Variants in IRS1 observed in about 807,000 individuals in gnomAD.
The protein encoded by IRS1 is insulin receptor substrate 1.
In IRS1, 34 loss-of-function variants were observed where a neutral mutation model predicts 65.6. The ratio of observed to expected loss-of-function variants is 0.52; its 90% CI spans 0.39 to 0.69. The LOEUF is 0.69. Among genes scored for constraint, IRS1 ranks in the 30% least tolerant of loss-of-function variants. The pLI, the probability that IRS1 is intolerant of heterozygous loss-of-function variation, is 0.00. For missense variants in IRS1, 1,641 were observed against 1,720.2 expected (o/e 0.95, Z 0.81); for synonymous variants, 699 against 683.5 (o/e 1.02, Z -0.35).
chr2:226,769,700 G>C (rs957604395), intron 1 of IRS1, among the ~76,000 whole-genome samples: 3 of 152,160 alleles, frequency 2.0e-5, no homozygotes, highest in Admixed American at 6.5e-5. Flanking sequence ...AACAGGGAAG[G>C]ACTACTCTTG....
chr2:226,787,426 A>G (rs998240090), intron 1 of IRS1, among the ~76,000 whole-genome samples: 1 of 152,114 alleles, frequency 6.6e-6, no homozygotes, highest in African/African-American at 2.4e-5. Context: ...CGGAATCTTG[A>G]TTTGGTTTTC....
At chr2:226,758,639 G>T (rs1183228701) in intron 1 of IRS1, among the ~76,000 whole-genome samples, 1 of 152,096 alleles carries the variant, frequency 6.6e-6, no homozygotes, top group Non-Finnish European at 1.5e-5. Flanking sequence ...GTTTCCAAGA[G>T]GCTGTGATGA....
At position 226,795,187 on chromosome 2, in the gene IRS1, C is replaced by A. The variant is rs1242041443; in HGVS notation, c.3552G>T (p.Leu1184Phe). 2 of 1,613,996 alleles carry A rather than the reference C, an allele frequency of 1.2e-6. No homozygotes were observed. Among genetic ancestry groups the A allele is most frequent in the South Asian group, 2.2e-5 (2 of 91,072 alleles). ...ENGLNYIDLD[L>F]VKDFKQCPQE... ...GAGGGCACTGTTTGAAGTCCTTGAC[C>A]AAATCCAGGTCTATGTAGTTAAGAC... is the stretch of plus-strand genomic sequence containing the variant. The change falls in exon 1 of 2, where the codon TTG (leucine) becomes TTT (phenylalanine). Residue 1184 changes from leucine to phenylalanine, a missense_variant. This residue lies in a region of IRS1 where 1,324 missense variants were observed against 1,361.0 expected (regional missense o/e 0.97). Transcript: ENST00000305123.
rs1451952732 is a variant in IRS1, at chr2:226,777,984, T to A, written c.*21+17005A>T. Among the ~76,000 whole-genome samples the A allele has an allele frequency of 5.9e-5, 9 of 152,286 alleles. No individual in the cohort carries two copies. The South Asian group carries it at 1.7e-3, about 28-fold the overall frequency. On this transcript the variant is annotated intron_variant, in intron 1 of 1. Coordinates refer to ENST00000305123, the MANE Select transcript of IRS1 (RefSeq NM_005544.3). Reference sequence around the variant, plus strand: ...AGTCAGTTTAATTAGAATTGTCTCATCAATTATAAAATATTTTCTATTTAT... The same window carrying A: ...AGTCAGTTTAATTAGAATTGTCTCAACAATTATAAAATATTTTCTATTTAT...
At chr2:226,787,504 C>T (rs926634691) in intron 1 of IRS1, among the ~76,000 whole-genome samples, 4 of 152,166 alleles carry the variant, frequency 2.6e-5, no homozygotes, top group African/African-American at 9.7e-5. Context: ...CCATTTTTCC[C>T]TCCATTTCCA....
chr2:226,755,810 A>AT (rs1407816552), intron 1 of IRS1, among the ~76,000 whole-genome samples: 3 of 152,242 alleles, frequency 2.0e-5, no homozygotes, highest in South Asian at 2.1e-4. Context: ...ACCAAGAACC[A>AT]TTTTTAAAAT....
At position 226,798,663 on chromosome 2, in the gene IRS1, G is replaced by A; in HGVS notation, c.76C>T (p.His26Tyr). 3 of 1,613,290 alleles carry A rather than the reference G, an allele frequency of 1.9e-6. No homozygotes were observed. Among genetic ancestry groups the A allele is most frequent in the Non-Finnish European group, 2.5e-6 (3 of 1,179,920 alleles). The change falls in exon 1 of 2, where the codon CAC becomes TAC. Residue 26 changes from histidine (H) to tyrosine (Y), a missense_variant. Around this residue, in one of 3 missense-constraint regions of IRS1, gnomAD observed 240 missense variants for 229.6 expected, o/e 1.05. Coordinates refer to ENST00000305123, the MANE Select transcript of IRS1 (RefSeq NM_005544.3). The surrounding 1 kb of genome is among the most constrained non-coding windows in gnomAD (Gnocchi z 9.4). ...VGYLRKPKSMHKRFFVLRAAS... is the reference protein window; with the variant it reads ...VGYLRKPKSMYKRFFVLRAAS... Reference sequence around the variant, plus strand: ...GCGCGCAGTACGAAGAAGCGTTTGTGCATGCTCTTGGGTTTGCGCAGGTAG... The same window carrying A: ...GCGCGCAGTACGAAGAAGCGTTTGTACATGCTCTTGGGTTTGCGCAGGTAG...
chr2:226,766,776 A>G (rs1939056865), intron 1 of IRS1, among the ~76,000 whole-genome samples: 1 of 152,116 alleles, frequency 6.6e-6, no homozygotes, highest in Non-Finnish European at 1.5e-5. Flanking sequence ...TTCCCTACTA[A>G]AACCTTATAA....
chr2:226,794,681 A>G lies in IRS1; in HGVS notation c.*21+308T>C, dbSNP rs937146125. ...AAAGAAAACTTCAACAAACAAATCA[A>G]GCTTCTTACGGAGGAACTCTACAAA... On this transcript the variant is annotated intron_variant, in intron 1 of 1. Coordinates refer to ENST00000305123, the MANE Select transcript of IRS1 (RefSeq NM_005544.3). This position sits in a 1 kb window ranked among gnomAD's most constrained non-coding sequence, Gnocchi z 4.1. 9.9e-5 allele frequency among the ~76,000 whole-genome samples: 15 copies of G among 152,238 alleles called. No individual in the cohort carries two copies. Among genetic ancestry groups the G allele is most frequent in the African/African-American group, 3.6e-4 (15 of 41,466 alleles).
intron 1 of IRS1, among the ~76,000 whole-genome samples, chr2:226,791,909 C>A (rs943067655): frequency 6.6e-6 from 1 of 152,072 alleles, no homozygotes; most frequent in Non-Finnish European, 1.5e-5. Context: ...CAGATTCCCC[C>A]ACCCCGGGCG....
rs749277845 is a variant in IRS1 at position 226,798,080 on chromosome 2, A to T, written c.659T>A (p.Phe220Tyr). 1.2e-5 allele frequency: 19 copies of T among 1,613,866 alleles called. No homozygotes were observed. In the African/African-American group the frequency reaches 1.9e-4, roughly 16 times the overall value. Reference sequence around the variant, plus strand: ...AGAACGGCCCACCTCGATGAAGAAGAAGTTTTCCGAGTGGCCACAGCGCCT... The same window carrying T: ...AGAACGGCCCACCTCGATGAAGAAGTAGTTTTCCGAGTGGCCACAGCGCCT... ...NIRRCGHSEN[F>Y]FFIEVGRSAV... is the part of the protein sequence containing the mutation. The change falls in exon 1 of 2, where the codon TTC (phenylalanine) becomes TAC (tyrosine). Residue 220 changes from phenylalanine to tyrosine, a missense_variant. By Grantham distance (22) the Phe-to-Tyr change is conservative. This residue lies in a region of IRS1 where 77 missense variants were observed against 129.6 expected (regional missense o/e 0.59). Transcript: ENST00000305123. This position sits in a 1 kb window ranked among gnomAD's most constrained non-coding sequence, Gnocchi z 9.4.
intron 1 of IRS1, among the ~76,000 whole-genome samples, chr2:226,743,774 G>C (rs1938487052): frequency 1.3e-5 from 2 of 152,116 alleles, no homozygotes; most frequent in Non-Finnish European, 2.9e-5. Context: ...CAGATTACAG[G>C]ATACAGGTTT....
At chr2:226,792,853 C>G (rs1216907439) in intron 1 of IRS1, among the ~76,000 whole-genome samples, 1 of 152,028 alleles carries the variant, frequency 6.6e-6, no homozygotes, top group Non-Finnish European at 1.5e-5. Flanking sequence ...TCTTTGGACT[C>G]AACAGGGCAC....
intron 1 of IRS1, among the ~76,000 whole-genome samples, chr2:226,749,793 C>A (rs971277886): frequency 1.1e-4 from 16 of 152,134 alleles, no homozygotes; most frequent in Non-Finnish European, 2.2e-4. Context: ...ATGAGTTATT[C>A]CAGAGTTTAA....
chr2:226,772,677 T>TAAAA (rs58764928), intron 1 of IRS1, among the ~76,000 whole-genome samples: 11 of 108,668 alleles, frequency 1.0e-4, no homozygotes, highest in African/African-American at 2.8e-4. Context: ...ACATGGACAG[T>TAAAA]AAAAAAAAAA....
rs2106187153 is a variant in IRS1 at position 226,797,894 on chromosome 2, A to G, written c.845T>C (p.Val282Ala). 1 of 1,610,710 alleles carries G rather than the reference A, an allele frequency of 6.2e-7. No homozygotes were observed. The highest frequency in any genetic ancestry group is 8.5e-7 in the Non-Finnish European group (1 of 1,178,424). The change falls in exon 1 of 2, where the codon GTC (valine) becomes GCC (alanine). Residue 282 changes from valine to alanine, a missense_variant. This residue lies in a region of IRS1 where 1,324 missense variants were observed against 1,361.0 expected (regional missense o/e 0.97). Coordinates refer to ENST00000305123, the MANE Select transcript of IRS1 (RefSeq NM_005544.3). The surrounding 1 kb of genome is among the most constrained non-coding windows in gnomAD (Gnocchi z 8.1). Reference sequence around the variant, plus strand: ...GTTGAGATGGTGCCGGCGCAGGGGGACGCTGATGGGGTTAGAGCAGTTGGA... The same window carrying G: ...GTTGAGATGGTGCCGGCGCAGGGGGGCGCTGATGGGGTTAGAGCAGTTGGA... ...SSSNCSNPIS[V>A]PLRRHHLNNP...
rs1010558110 is a variant in IRS1 at position 226,738,785 on chromosome 2, G to A, written c.*22-2535C>T. Reference sequence around the variant, plus strand: ...CGCTTAACAGAGCTTCACAGCTCTGGGCCTCTAATTAGGCAGGAAGGCCAC... The same window carrying A: ...CGCTTAACAGAGCTTCACAGCTCTGAGCCTCTAATTAGGCAGGAAGGCCAC... On this transcript the variant is annotated intron_variant, in intron 1 of 1. Coordinates refer to ENST00000305123, the MANE Select transcript of IRS1 (RefSeq NM_005544.3). 2.0e-5 allele frequency among the ~76,000 whole-genome samples: 3 copies of A among 152,094 alleles called. No homozygotes were observed. In the East Asian group the frequency reaches 5.8e-4, roughly 29 times the overall value.
At chr2:226,766,240 T>A (rs530823203) in intron 1 of IRS1, among the ~76,000 whole-genome samples, 159 of 141,308 alleles carry the variant, frequency 1.1e-3, no homozygotes, top group African/African-American at 3.7e-3. Flanking sequence ...CTCGGCTCAC[T>A]GCAATCTCTG....
intron 1 of IRS1, among the ~76,000 whole-genome samples, chr2:226,739,850 C>T (rs1938401042): frequency 6.6e-6 from 1 of 152,146 alleles, no homozygotes; most frequent in Non-Finnish European, 1.5e-5. Context: ...AAGAAAAAAG[C>T]AATGCCCATA....
Sources: allele counts gnomAD v4.1 joint callset (sites outside exome capture counted in the v4.1 genomes callset), GRCh38; gene constraint gnomAD v4.1.1; regional missense constraint gnomAD v4.1.1; non-coding constraint Gnocchi (gnomAD v3.1); transcripts MANE v1.5; gene names NCBI Gene and HGNC (gene_info 2026-07-23, HGNC 2026-07-21).